Variants in AAMDC observed in about 807,000 individuals in gnomAD.
The protein encoded by AAMDC is mth938 domain-containing protein.
A neutral mutation model predicts 15.5 loss-of-function variants in AAMDC; 16 were observed. The ratio of observed to expected loss-of-function variants is 1.03; its 90% CI spans 0.70 to 1.57. The LOEUF (loss-of-function observed/expected upper bound fraction) is 1.57. Among genes scored for constraint, AAMDC ranks in the 40% most tolerant of loss-of-function variants. The pLI is 0.00. For synonymous variants in AAMDC, 51 were observed against 51.6 expected (o/e 0.99, Z 0.05); for missense variants, 141 against 144.9 (o/e 0.97, Z 0.14).
chr11:77,885,483 T>G (rs954184032), intron 5 of AAMDC, among the ~76,000 whole-genome samples: 4 of 152,140 alleles, frequency 2.6e-5, no homozygotes, highest in Non-Finnish European at 5.9e-5. Context: ...TGATCCTTAT[T>G]ATCTTTAAAG....
Position 77,826,424 on chromosome 11 carries a change from G to C in AAMDC, c.-19+5183G>C, listed in dbSNP as rs1949175965. 2.0e-5 allele frequency among the ~76,000 whole-genome samples: 3 copies of C among 152,176 alleles called. No homozygotes were observed. In the South Asian group the frequency reaches 6.2e-4, roughly 32 times the overall value. On this transcript the variant is annotated intron_variant, in intron 1 of 3. Transcript: ENST00000393427. ...TTTTATGTCTTTTAGCTATGTGTCT[G>C]TGTTTTAAATTTTTATTATTAAATA...
At chr11:77,889,018 A>G (rs979725508) in intron 5 of AAMDC, among the ~76,000 whole-genome samples, 11 of 152,174 alleles carry the variant, frequency 7.2e-5, no homozygotes, top group African/African-American at 2.4e-4. Context: ...TCAGTGTGGC[A>G]ATTCCTCAGG....
downstream of AAMDC, among the ~76,000 whole-genome samples, chr11:77,876,478 C>A (rs190765573): frequency 1.3e-5 from 2 of 150,826 alleles, no homozygotes; most frequent in South Asian, 4.2e-4. Context: ...TTCCCCAGAA[C>A]GTGAAAATTC....
intron 1 of AAMDC, among the ~76,000 whole-genome samples, chr11:77,840,230 G>A (rs1283814371): frequency 6.6e-6 from 1 of 152,108 alleles, no homozygotes; most frequent in African/African-American, 2.4e-5. Context: ...CTACTGTTTA[G>A]TACCTTTTGA....
At chr11:77,852,694 G>A (rs549965114) in intron 2 of AAMDC, among the ~76,000 whole-genome samples, 16 of 151,856 alleles carry the variant, frequency 1.1e-4, no homozygotes, top group African/African-American at 1.9e-4. Flanking sequence ...ATTAGTTTCC[G>A]GTTTATCCTT....
chr11:77,855,433 C>A, intron 2 of AAMDC: 1 of 170,008 alleles, frequency 5.9e-6, no homozygotes, highest in South Asian at 1.2e-4. Flanking sequence ...CATTCTCCTG[C>A]CTCAGCCTCC....
At chr11:77,885,275 C>G (rs1348447006) in intron 5 of AAMDC, among the ~76,000 whole-genome samples, 1 of 151,846 alleles carries the variant, frequency 6.6e-6, no homozygotes, top group African/African-American at 2.4e-5. Context: ...TGGGGTTTCA[C>G]CATGTTGGCC....
In AAMDC at chr11:77,823,188, C is replaced by T. The variant is rs1320352188; in HGVS notation, c.-19+1947C>T. ...CAAGGTTGTGCCACTGCACTCCAGCCTGGGCGACAGAGCAAGACTCCGTCT... is the reference window on the plus strand; with the variant it reads ...CAAGGTTGTGCCACTGCACTCCAGCTTGGGCGACAGAGCAAGACTCCGTCT... On this transcript the variant is annotated intron_variant, in intron 1 of 3. Coordinates refer to ENST00000393427, the MANE Select transcript of AAMDC (RefSeq NM_024684.4). 3.3e-5 allele frequency among the ~76,000 whole-genome samples: 4 copies of T among 120,356 alleles called. No individual in the cohort carries two copies. The East Asian group carries it at 9.6e-4, about 29-fold the overall frequency. 79.0% of individuals were successfully genotyped at this position (120,356 alleles called of 152,430 possible). A position where few individuals can be genotyped will look rare whatever the true frequency, so the allele number is the denominator to read the frequency against.
intron 1 of AAMDC, among the ~76,000 whole-genome samples, chr11:77,833,005 A>AT (rs1223511206): frequency 3.0e-5 from 2 of 65,734 alleles, no homozygotes; most frequent in African/African-American, 1.5e-4. Context: ...GTGTATATAT[A>AT]TATATTTTTT....
Position 77,823,619 on chromosome 11 carries a change from CTCAAAAA to C in AAMDC, c.-19+2379_-19+2385del, listed in dbSNP as rs1565193514. Among the ~76,000 whole-genome samples the C allele has an allele frequency of 6.9e-3, 391 of 56,652 alleles. 4 individuals carry two copies. The highest frequency in any genetic ancestry group is 0.029 in the African/African-American group (377 of 12,812). 37.2% of individuals were successfully genotyped at this position (56,652 alleles called of 152,430 possible). On this transcript the variant is annotated intron_variant, in intron 1 of 3. Transcript: ENST00000393427. ...CCTGGGCGACAGAACTACACCCTGT[CTCAAAAA>C]AAAAAAAAAAAAAAAAGAATAATTT...
chr11:77,840,401 T>A (rs1949878816), intron 1 of AAMDC, among the ~76,000 whole-genome samples: 1 of 152,034 alleles, frequency 6.6e-6, no homozygotes, highest in South Asian at 2.1e-4. Context: ...TGGTAGCACA[T>A]GCCTGTAATC....
intron 5 of AAMDC, among the ~76,000 whole-genome samples, chr11:77,880,750 G>A (rs1282573443): frequency 6.6e-6 from 1 of 152,088 alleles, no homozygotes; most frequent in Non-Finnish European, 1.5e-5. Flanking sequence ...TTGATCCCAG[G>A]TGTTTGAGAC....
At chr11:77,843,690 G>A (rs1204161532) in intron 2 of AAMDC, among the ~76,000 whole-genome samples, 1 of 152,114 alleles carries the variant, frequency 6.6e-6, no homozygotes, top group Non-Finnish European at 1.5e-5. Flanking sequence ...TCACAGTTCT[G>A]GAGACTGAAA....
intron 2 of AAMDC, among the ~76,000 whole-genome samples, chr11:77,846,431 C>T (rs1950149876): frequency 6.6e-6 from 1 of 152,196 alleles, no homozygotes; most frequent in South Asian, 2.1e-4. Context: ...CCATCCTGGC[C>T]AACATGGTGA....
At position 77,883,841 on chromosome 11, in the gene AAMDC, C is replaced by T. The variant is rs759365044; in HGVS notation, c.328+6792C>T. 8 of 1,612,534 alleles carry T rather than the reference C, an allele frequency of 5.0e-6. No individual in the cohort carries two copies. The highest frequency in any genetic ancestry group is 1.1e-5 in the South Asian group (1 of 90,754). ...GGTCCTGACTCCTTACCTGTCCAAG[C>T]GGTGTGGGAGAGATAAACCTGAGTG... is the stretch of plus-strand genomic sequence containing the variant. On this transcript the variant is annotated intron_variant, in intron 5 of 5. Coordinates refer to the AAMDC transcript ENST00000304716.
At chr11:77,856,533 C>T (rs774613296) in intron 2 of AAMDC, among the ~76,000 whole-genome samples, 18 of 152,142 alleles carry the variant, frequency 1.2e-4, no homozygotes, top group South Asian at 2.1e-4. Context: ...TAAAGAGCTA[C>T]CTGAGACTGG....
At chr11:77,905,627 C>T (rs183071092), downstream of AAMDC, among the ~76,000 whole-genome samples, 1 of 152,270 alleles carries the variant, frequency 6.6e-6, no homozygotes, top group East Asian at 1.9e-4. Context: ...ATATCCTTTT[C>T]GTACATCTGC....
intron 1 of AAMDC, among the ~76,000 whole-genome samples, chr11:77,839,364 A>T (rs1172303482): frequency 6.6e-6 from 1 of 152,160 alleles, no homozygotes; most frequent in Non-Finnish European, 1.5e-5. Flanking sequence ...CTTTTACACT[A>T]TTGGTGGAAA....
chr11:77,839,734 G>T (rs649671), intron 1 of AAMDC, among the ~76,000 whole-genome samples: 2 of 151,948 alleles, frequency 1.3e-5, no homozygotes, highest in South Asian at 4.1e-4. Context: ...AAACTGAACA[G>T]CACATGTTCT....
Sources: allele counts gnomAD v4.1 joint callset (sites outside exome capture counted in the v4.1 genomes callset), GRCh38; gene constraint gnomAD v4.1.1; transcripts MANE v1.5; gene names NCBI Gene and HGNC (gene_info 2026-07-23, HGNC 2026-07-21).